The following MYBPH variants were observed in gnomAD, a reference collection of about 807,000 sequenced individuals.
MYBPH encodes the protein myosin-binding protein H.
In MYBPH, 49 loss-of-function variants were observed where a neutral mutation model predicts 53.6. The ratio of observed to expected loss-of-function variants is 0.91; its 90% CI spans 0.73 to 1.16. The LOEUF is 1.16. Among genes scored for constraint, MYBPH ranks in the 50% most tolerant of loss-of-function variants. MYBPH has a pLI of 0.00. For synonymous variants in MYBPH, 239 were observed against 249.6 expected (o/e 0.96, Z 0.40); for missense variants, 558 against 624.1 (o/e 0.89, Z 1.13).
upstream of MYBPH, among the ~76,000 whole-genome samples, chr1:203,177,585 C>G (rs958888386): frequency 6.6e-6 from 1 of 152,170 alleles, no homozygotes; most frequent in African/African-American, 2.4e-5. Context: ...CTAGGTGACT[C>G]CACGTCTTGC....
chr1:203,171,351 C>A lies in MYBPH; in HGVS notation c.793+32G>T. ...AGGAGGTTGGGGGCTCCAGGTCCCCCATGAGACAGCACTGTTCCCCTGGCT... is the reference window on the plus strand; with the variant it reads ...AGGAGGTTGGGGGCTCCAGGTCCCCAATGAGACAGCACTGTTCCCCTGGCT... On this transcript the variant is annotated intron_variant, in intron 5 of 10. Coordinates refer to ENST00000255416, the MANE Select transcript of MYBPH (RefSeq NM_004997.3). The surrounding 1 kb of genome is among the most constrained non-coding windows in gnomAD (Gnocchi z 4.2). The A allele has an allele frequency of 6.3e-7, 1 of 1,593,488 alleles. No homozygotes were observed. Among genetic ancestry groups the A allele is most frequent in the South Asian group, 1.1e-5 (1 of 88,264 alleles).
chr1:203,169,465 C>A, intron 7 of MYBPH, 76 bp from the exon 8 acceptor site: 10 of 1,530,730 alleles, frequency 6.5e-6, no homozygotes, highest in Non-Finnish European at 8.9e-6. Flanking sequence ...GACTATGATT[C>A]AAGATCTATG....
At chr1:203,168,770 G>T in intron 9 of MYBPH, 95 bp from the exon 10 acceptor site, 1 of 1,594,248 alleles carries the variant, frequency 6.3e-7, no homozygotes, top group Non-Finnish European at 8.6e-7. Context: ...CCACCCTGCC[G>T]CTTGGAAAGT....
rs1308285046 is a variant in MYBPH at position 203,171,060 on chromosome 1, C to G, written c.933+1G>C. ...CCCCACTTTGCCTCAGCCAGCCTCA[C>G]CCCTGTCTTTTTGTCTGCCTTCTGC... On this transcript the variant is annotated splice_donor_variant, in intron 6 of 10. Coordinates refer to ENST00000255416, the MANE Select transcript of MYBPH (RefSeq NM_004997.3). LOFTEE classifies it high-confidence loss of function. This position sits in a 1 kb window ranked among gnomAD's most constrained non-coding sequence, Gnocchi z 4.2. 1 of 1,584,428 alleles carries G rather than the reference C, an allele frequency of 6.3e-7. No individual in the cohort carries two copies. The highest frequency in any genetic ancestry group is 2.2e-5 in the East Asian group (1 of 44,652).
At chr1:203,174,281 G>A (rs1655755180) in intron 3 of MYBPH, 149 bp downstream of exon 3, 2 of 1,369,300 alleles carry the variant, frequency 1.5e-6, no homozygotes, top group Non-Finnish European at 1.9e-6. Context: ...ACTTTCTTAA[G>A]GCAAGATGGT....
chr1:203,168,968 T>C lies in MYBPH; in HGVS notation c.1355A>G (p.Tyr452Cys), dbSNP rs751603305. 1 of 1,614,012 alleles carries C rather than the reference T, an allele frequency of 6.2e-7. No homozygotes were observed. The highest frequency in any genetic ancestry group is 1.1e-5 in the South Asian group (1 of 91,088). The change falls in exon 9 of 11, where the codon TAC becomes TGC. Residue 452 changes from tyrosine (Y) to cysteine (C), a missense_variant. Transcript: ENST00000255416. The stretch of plus-strand genomic sequence containing the variant: ...CAGCACATTTATGGCCTTGCAGGTG[T>C]AGACCCCAGAATCAAAGGGGCTGGG... ...RKPSPFDSGV[Y>C]TCKAINVLGE...
At position 203,171,938 on chromosome 1, in the gene MYBPH, G is replaced by T; in HGVS notation, c.597+14C>A. ...CCCACCCAGGCTGTTACCCTTGGTG[G>T]GGGTAATACCCACCTGGAAGGGGAT... is the stretch of plus-strand genomic sequence containing the variant. On this transcript the variant is annotated intron_variant, in intron 4 of 10. Coordinates refer to ENST00000255416, the MANE Select transcript of MYBPH (RefSeq NM_004997.3). This position sits in a 1 kb window ranked among gnomAD's most constrained non-coding sequence, Gnocchi z 4.2. 1.5e-6 allele frequency: 2 copies of T among 1,318,318 alleles called. No homozygotes were observed. The highest frequency in any genetic ancestry group is 2.8e-5 in the East Asian group (1 of 35,512). 81.7% of individuals were successfully genotyped at this position (1,318,318 alleles called of 1,614,324 possible). A position where few individuals can be genotyped will look rare whatever the true frequency, so the allele number is the denominator to read the frequency against.
intron 10 of MYBPH, among the ~76,000 whole-genome samples, chr1:203,168,311 T>G (rs956428362): frequency 1.3e-5 from 2 of 152,210 alleles, no homozygotes; most frequent in African/African-American, 4.8e-5. Flanking sequence ...AGGGAAAGGT[T>G]GTTATCCCCA....
In MYBPH at chr1:203,172,001, G is replaced by C; in HGVS notation, c.548C>G (p.Thr183Ser). 2 of 1,324,390 alleles carry C rather than the reference G, an allele frequency of 1.5e-6. No homozygotes were observed. The highest frequency in any genetic ancestry group is 1.9e-6 in the Non-Finnish European group (2 of 1,029,124). The allele number at this position is 1,324,390 out of a possible 1,614,324, so 82.0% of individuals were successfully genotyped here. Residue 183 changes from threonine to serine, a missense_variant, in exon 4 of 11, where the codon ACC (threonine) becomes AGC (serine). Coordinates refer to ENST00000255416, the MANE Select transcript of MYBPH (RefSeq NM_004997.3). Reference sequence around the variant, plus strand: ...CGTCTCTCCCACCTGGCGGATGTAGGTCTGACGGAGGTGGCGGGGGACACG... The same window carrying C: ...CGTCTCTCCCACCTGGCGGATGTAGCTCTGACGGAGGTGGCGGGGGACACG... ...KIRVPRHLRQ[T>S]YIRQVGETVN...
chr1:203,171,279 T>C lies in MYBPH; in HGVS notation c.794-79A>G, dbSNP rs2102189649. ...AGCCCCCACACCCAAAATTTGGCTC[T>C]TGCCACACTCCCTTGGCCTGCTCCC... On this transcript the variant is annotated intron_variant, in intron 5 of 10. Transcript: ENST00000255416. The surrounding 1 kb of genome is among the most constrained non-coding windows in gnomAD (Gnocchi z 4.2). 1 of 1,548,878 alleles carries C rather than the reference T, an allele frequency of 6.5e-7. No homozygotes were observed. Among genetic ancestry groups the C allele is most frequent in the Non-Finnish European group, 8.7e-7 (1 of 1,146,206 alleles).
At position 203,171,093 on chromosome 1, in the gene MYBPH, A is replaced by G; in HGVS notation, c.901T>C (p.Tyr301His). 2.5e-6 allele frequency: 4 copies of G among 1,609,420 alleles called. No homozygotes were observed. The highest frequency in any genetic ancestry group is 3.4e-6 in the Non-Finnish European group (4 of 1,178,360). The change falls in exon 6 of 11, where the codon TAC (tyrosine) becomes CAC (histidine). Residue 301 changes from tyrosine to histidine, a missense_variant. Tyr to His is a moderately conservative substitution (Grantham distance 83). Transcript: ENST00000255416. The surrounding 1 kb of genome is among the most constrained non-coding windows in gnomAD (Gnocchi z 4.2). ...QDTGNTELLGYMVQKADKKTG... is the reference protein window; with the variant it reads ...QDTGNTELLGHMVQKADKKTG... Reference sequence around the variant, plus strand: ...TTTTTGTCTGCCTTCTGCACCATGTAGCCCAGGAGCTCTGTGTTGCCTGTG... The same window carrying G: ...TTTTTGTCTGCCTTCTGCACCATGTGGCCCAGGAGCTCTGTGTTGCCTGTG...
At chr1:203,174,801 G>A (rs1388610342) in intron 2 of MYBPH, among the ~76,000 whole-genome samples, 2 of 152,138 alleles carry the variant, frequency 1.3e-5, no homozygotes, top group Non-Finnish European at 2.9e-5. Flanking sequence ...CTAGAGATGA[G>A]GTTGTTGAAG....
chr1:203,175,941 A>C (rs1571824019), upstream of MYBPH: 13 of 610,520 alleles, frequency 2.1e-5, no homozygotes, highest in East Asian at 3.7e-4. Context: ...AGAGGCGCCC[A>C]GGCCAGGAAT....
At position 203,171,314 on chromosome 1, in the gene MYBPH, C is replaced by T; in HGVS notation, c.793+69G>A. ...CCCTTGGCCTGCTCCCATCAGCCAT[C>T]AGCTCTGGGATAGGAGGTTGGGGGC... On this transcript the variant is annotated intron_variant, in intron 5 of 10. Coordinates refer to ENST00000255416, the MANE Select transcript of MYBPH (RefSeq NM_004997.3). The surrounding 1 kb of genome is among the most constrained non-coding windows in gnomAD (Gnocchi z 4.2). 1 of 1,565,750 alleles carries T rather than the reference C, an allele frequency of 6.4e-7. No homozygotes were observed. Among genetic ancestry groups the T allele is most frequent in the South Asian group, 1.2e-5 (1 of 83,102 alleles).
chr1:203,175,211 A>C lies in MYBPH; in HGVS notation c.340+116T>G, dbSNP rs1002175590. The C allele has an allele frequency of 3.3e-5, 42 of 1,286,570 alleles. 1 individual carries two copies. In the African/African-American group the frequency reaches 5.3e-4, roughly 16 times the overall value. 79.7% of individuals were successfully genotyped at this position (1,286,570 alleles called of 1,614,324 possible). A position where few individuals can be genotyped will look rare whatever the true frequency, so the allele number is the denominator to read the frequency against. The stretch of plus-strand genomic sequence containing the variant: ...GTGGGTTGAGGAGCCTACTGCTCGC[A>C]TCCCCTCCTTCTGTATCTCTCCCAG... On this transcript the variant is annotated intron_variant, in intron 2 of 10. Coordinates refer to ENST00000255416, the MANE Select transcript of MYBPH (RefSeq NM_004997.3).
upstream of MYBPH, among the ~76,000 whole-genome samples, chr1:203,177,770 C>G (rs1367698241): frequency 6.6e-6 from 1 of 152,238 alleles, no homozygotes. Context: ...GGGCTTGCAG[C>G]CCTGGGGTTT....
At chr1:203,169,761 A>C (rs550817936) in intron 7 of MYBPH, among the ~76,000 whole-genome samples, 1 of 152,324 alleles carries the variant, frequency 6.6e-6, no homozygotes, top group African/African-American at 2.4e-5. Context: ...TCTGGAACCC[A>C]CACAGACTGT....
upstream of MYBPH, among the ~76,000 whole-genome samples, chr1:203,177,655 A>G (rs549580736): frequency 6.6e-5 from 10 of 152,336 alleles, no homozygotes; most frequent in South Asian, 1.4e-3. Flanking sequence ...CTCTGCAGCT[A>G]TAAGTGAATG....
chr1:203,175,825 G>A lies in MYBPH; in HGVS notation c.-70C>T. The A allele has an allele frequency of 1.3e-6, 2 of 1,520,554 alleles. No individual in the cohort carries two copies. The highest frequency in any genetic ancestry group is 1.1e-5 in the South Asian group (1 of 88,884). The allele number at this position is 1,520,554 out of a possible 1,614,324, so 94.2% of individuals were successfully genotyped here. A position where few individuals can be genotyped will look rare whatever the true frequency, so the allele number is the denominator to read the frequency against. ...CCGTTGGGGGGCCTGGGCCTCTAGG[G>A]TGCCTGGGACACCTAGGTCCAGGCT... On this transcript the variant is annotated 5_prime_UTR_variant, in exon 1 of 11. Transcript: ENST00000255416.
Sources: allele counts gnomAD v4.1 joint callset (sites outside exome capture counted in the v4.1 genomes callset), GRCh38; gene constraint gnomAD v4.1.1; non-coding constraint Gnocchi (gnomAD v3.1); transcripts MANE v1.5; gene names NCBI Gene and HGNC (gene_info 2026-07-23, HGNC 2026-07-21).